The following ELOVL5 variants were observed in gnomAD, a reference collection of about 807,000 sequenced individuals.
The protein encoded by ELOVL5 is ELOVL fatty acid elongase 5, also known as very long chain fatty acid elongase 5.
Under a neutral mutation model 38.6 loss-of-function variants are expected in ELOVL5, and 8 were observed. The ratio of observed to expected loss-of-function variants is 0.21; its 90% confidence interval spans 0.12 to 0.37. The LOEUF is 0.37. Ranked by LOEUF, ELOVL5 falls within the 10% of genes least tolerant of loss-of-function variation. ELOVL5 has a pLI of 1.00. For synonymous variants in ELOVL5, 127 were observed against 133.7 expected (o/e 0.95, Z 0.34); for missense variants, 280 against 367.8 (o/e 0.76, Z 1.95).
chr6:53,280,532 T>C (rs1766311175), intron 3 of ELOVL5, among the ~76,000 whole-genome samples: 1 of 152,232 alleles, frequency 6.6e-6, no homozygotes, highest in Non-Finnish European at 1.5e-5. Flanking sequence ...ATGCACCTTT[T>C]CAATGAAAGA....
chr6:53,306,224 GGGGAGAGGGGAGA>G (rs1767541211), intron 1 of ELOVL5, among the ~76,000 whole-genome samples: 3 of 25,090 alleles, frequency 1.2e-4, no homozygotes, highest in African/African-American at 4.6e-4. Flanking sequence ...AGAGGGGAGA[GGGGAGAGGGGAGA>G]GGGAGAGGGG....
At chr6:53,270,184 G>T (rs1765869579) in intron 7 of ELOVL5, among the ~76,000 whole-genome samples, 1 of 152,162 alleles carries the variant, frequency 6.6e-6, no homozygotes, top group Admixed American at 6.5e-5. Flanking sequence ...GTATAAGAAA[G>T]CTGGGACAAA....
chr6:53,328,581 G>A (rs1768650990), intron 1 of ELOVL5, among the ~76,000 whole-genome samples: 1 of 152,166 alleles, frequency 6.6e-6, no homozygotes, highest in Non-Finnish European at 1.5e-5. Context: ...GGGACATGAT[G>A]CAGCAATTTT....
intron 1 of ELOVL5, among the ~76,000 whole-genome samples, chr6:53,339,499 A>G (rs2127594318): frequency 6.6e-6 from 1 of 152,306 alleles, no homozygotes; most frequent in Non-Finnish European, 1.5e-5. Context: ...GTCATTCTCT[A>G]TCAGAATGTT....
chr6:53,301,109 T>A (rs1489380138), intron 1 of ELOVL5, among the ~76,000 whole-genome samples: 1 of 152,222 alleles, frequency 6.6e-6, no homozygotes, highest in Non-Finnish European at 1.5e-5. Flanking sequence ...CACAGGGCTA[T>A]GCAAAAGTCT....
intron 1 of ELOVL5, among the ~76,000 whole-genome samples, chr6:53,335,107 C>T (rs1303607823): frequency 6.6e-6 from 1 of 152,182 alleles, no homozygotes; most frequent in Admixed American, 6.5e-5. Flanking sequence ...GGATTTGCAT[C>T]CACTTCTCTT....
At chr6:53,281,689 T>C (rs1014892251) in intron 3 of ELOVL5, among the ~76,000 whole-genome samples, 29 of 152,184 alleles carry the variant, frequency 1.9e-4, no homozygotes, top group Non-Finnish European at 3.7e-4. Context: ...CCTCTAGGGT[T>C]TAGTTGGCCA....
In ELOVL5 at chr6:53,269,230, A is replaced by G; in HGVS notation, c.797T>C (p.Leu266Pro). The G allele has an allele frequency of 6.2e-7, 1 of 1,613,184 alleles. No homozygotes were observed. The highest frequency in any genetic ancestry group is 8.5e-7 in the Non-Finnish European group (1 of 1,179,436). ...KKGASRRKDH[L>P]KDHQNGSMAA... ...CATGGACCCATTCTGGTGGTCCTTC[A>G]GGTGGTCTTTCCTTCGGGAGGCCCC... Residue 266 changes from leucine to proline, a missense_variant, in exon 8 of 8, where the codon CTG (leucine) becomes CCG (proline). Leu to Pro is a moderately conservative substitution (Grantham distance 98, BLOSUM62 -3). Coordinates refer to ENST00000304434, the MANE Select transcript of ELOVL5 (RefSeq NM_021814.5).
intron 1 of ELOVL5, among the ~76,000 whole-genome samples, chr6:53,307,309 T>G (rs1767620461): frequency 6.6e-6 from 1 of 152,222 alleles, no homozygotes; most frequent in African/African-American, 2.4e-5. Flanking sequence ...TTCAAATCCC[T>G]GCTTCACCAC....
At chr6:53,285,833 T>C (rs975095986) in intron 3 of ELOVL5, among the ~76,000 whole-genome samples, 50 of 152,184 alleles carry the variant, frequency 3.3e-4, no homozygotes, top group Admixed American at 3.2e-3. Flanking sequence ...CTCAAACTCC[T>C]GGCCTCAAGC....
At chr6:53,290,683 A>G in intron 3 of ELOVL5, 1 of 152,712 alleles carries the variant, frequency 6.5e-6, no homozygotes, top group Non-Finnish European at 1.5e-5. Flanking sequence ...AACAAGACAC[A>G]GATATCCCAC....
At chr6:53,271,523 C>T (rs748229337) in intron 6 of ELOVL5, among the ~76,000 whole-genome samples, 14 of 152,284 alleles carry the variant, frequency 9.2e-5, no homozygotes, top group Non-Finnish European at 1.5e-4. Context: ...GCACTCCAGC[C>T]TGGTGACAGA....
intron 3 of ELOVL5, among the ~76,000 whole-genome samples, chr6:53,278,576 T>G (rs1311623192): frequency 1.3e-5 from 2 of 152,320 alleles, no homozygotes; most frequent in South Asian, 4.1e-4. Context: ...AAACACCTGT[T>G]GTCTTTGGAG....
chr6:53,348,563 G>A (rs1769683406), intron 1 of ELOVL5, among the ~76,000 whole-genome samples: 1 of 152,154 alleles, frequency 6.6e-6, no homozygotes, highest in African/African-American at 2.4e-5. Context: ...CCCTGCCTCA[G>A]CCTCGGCGTG....
intron 1 of ELOVL5, among the ~76,000 whole-genome samples, chr6:53,342,610 A>C (rs1423945750): frequency 6.6e-6 from 1 of 152,192 alleles, no homozygotes; most frequent in Non-Finnish European, 1.5e-5. Flanking sequence ...ACCTAATATA[A>C]CCATAAAGAT....
chr6:53,314,094 A>G lies in ELOVL5; in HGVS notation c.-8-18387T>C, dbSNP rs142294582. On this transcript the variant is annotated intron_variant, in intron 1 of 7. Coordinates refer to ENST00000304434, the MANE Select transcript of ELOVL5 (RefSeq NM_021814.5). ...ATTCAACAAATGAGCCACTGTGTTT[A>G]AAACCTCCTTGATAATCACTAAAGG... Among the ~76,000 whole-genome samples, 355 of 152,360 alleles carry G rather than the reference A, an allele frequency of 2.3e-3. 2 individuals are homozygous for G. Among genetic ancestry groups the G allele is most frequent in the Middle Eastern group, 0.01 (3 of 294 alleles).
chr6:53,312,127 C>G (rs181475630), intron 1 of ELOVL5, among the ~76,000 whole-genome samples: 1 of 152,234 alleles, frequency 6.6e-6, no homozygotes, highest in African/African-American at 2.4e-5. Context: ...TAGAAGTAAC[C>G]TTCTGCTACA....
chr6:53,269,422 C>A, intron 7 of ELOVL5, 152 bp from the exon 8 acceptor site: 5 of 500,986 alleles, frequency 1.0e-5, no homozygotes, highest in African/African-American at 2.0e-5. Context: ...TTGACTAAAT[C>A]TTTTGTCACT....
intron 1 of ELOVL5, among the ~76,000 whole-genome samples, chr6:53,310,550 T>C (rs1452994904): frequency 6.6e-6 from 1 of 152,206 alleles, no homozygotes; most frequent in Non-Finnish European, 1.5e-5. Flanking sequence ...TACTTAAATT[T>C]GTAGTTGGTC....
Sources: allele counts gnomAD v4.1 joint callset (sites outside exome capture counted in the v4.1 genomes callset), GRCh38; gene constraint gnomAD v4.1.1; transcripts MANE v1.5; gene names NCBI Gene and HGNC (gene_info 2026-07-23, HGNC 2026-07-21).